Variants in ABRAXAS2 observed in about 807,000 individuals in gnomAD.
ABRAXAS2 encodes abraxas 2, BRISC complex subunit, also known as BRISC complex subunit Abraxas 2.
ABRAXAS2 carries 23 observed loss-of-function variants against 49.0 expected under a neutral mutation model. That is an observed-to-expected ratio of 0.47 (90% CI 0.34 to 0.66). The LOEUF (loss-of-function observed/expected upper bound fraction) is 0.66. Ranked by LOEUF, ABRAXAS2 falls within the 30% of genes least tolerant of loss-of-function variation. The pLI, the probability that ABRAXAS2 is intolerant of heterozygous loss-of-function variation, is 0.01. For missense variants in ABRAXAS2, 443 were observed against 511.9 expected (o/e 0.87, Z 1.30); for synonymous variants, 168 against 180.2 (o/e 0.93, Z 0.54).
intron 1 of ABRAXAS2, among the ~76,000 whole-genome samples, chr10:124,805,006 G>A (rs1383834464): frequency 6.6e-6 from 1 of 151,936 alleles, no homozygotes; most frequent in Non-Finnish European, 1.5e-5. Flanking sequence ...GAGCCACCGT[G>A]CCCGGCCTAT....
chr10:124,803,866 A>C (rs1338226022), intron 1 of ABRAXAS2, among the ~76,000 whole-genome samples: 1 of 152,146 alleles, frequency 6.6e-6, no homozygotes, highest in East Asian at 1.9e-4. Flanking sequence ...GCGCCATTGC[A>C]CTCCAGCCTG....
rs776342762 is a variant in ABRAXAS2, at chr10:124,828,889, T to G, written c.578+14T>G. ...TAAAGAACATGGGTAAGTTGAAAGG[T>G]AAAGTGCTAGTTTTTTCTTTTGTCA... On this transcript the variant is annotated intron_variant, in intron 6 of 8. Transcript: ENST00000298492. The G allele has an allele frequency of 6.2e-7, 1 of 1,610,428 alleles. No individual in the cohort carries two copies.
At chr10:124,821,519 TTG>T (rs1950861407) in intron 4 of ABRAXAS2, among the ~76,000 whole-genome samples, 1 of 151,168 alleles carries the variant, frequency 6.6e-6, no homozygotes, top group Non-Finnish European at 1.5e-5. Flanking sequence ...TGAGCTGAGA[TTG>T]CGCCACTGCA....
chr10:124,803,858 G>A (rs12572692), intron 1 of ABRAXAS2, among the ~76,000 whole-genome samples: 3 of 152,146 alleles, frequency 2.0e-5, no homozygotes, highest in East Asian at 1.9e-4. Context: ...TCGAGATCGC[G>A]CCATTGCACT....
intron 4 of ABRAXAS2, among the ~76,000 whole-genome samples, chr10:124,824,035 A>G (rs1397126359): frequency 6.6e-6 from 1 of 151,984 alleles, no homozygotes; most frequent in Non-Finnish European, 1.5e-5. Context: ...CCCCTGCCTC[A>G]GCCTCCTGGG....
intron 3 of ABRAXAS2, among the ~76,000 whole-genome samples, chr10:124,817,119 T>C (rs1205008659): frequency 8.5e-5 from 13 of 152,188 alleles, no homozygotes; most frequent in Admixed American, 8.5e-4. Context: ...GTTTCACTTA[T>C]GAATGAGGCA....
At chr10:124,806,124 C>A (rs1215188521) in intron 1 of ABRAXAS2, among the ~76,000 whole-genome samples, 1 of 151,906 alleles carries the variant, frequency 6.6e-6, no homozygotes, top group South Asian at 2.1e-4. Context: ...CACGGTGAAA[C>A]CCCGTCTCTA....
In ABRAXAS2 at chr10:124,836,376, T is replaced by C. The variant is rs971365351; in HGVS notation, c.*1405T>C. ...TGCCGTTCTTTGGATCGCCACTCTATGGGGGTCTGTCTTTTAACTACTCTC... is the reference window on the plus strand; with the variant it reads ...TGCCGTTCTTTGGATCGCCACTCTACGGGGGTCTGTCTTTTAACTACTCTC... On this transcript the variant is annotated 3_prime_UTR_variant, in exon 9 of 9. Coordinates refer to ENST00000298492, the MANE Select transcript of ABRAXAS2 (RefSeq NM_032182.4). 12 of 152,186 alleles carry C rather than the reference T, an allele frequency of 7.9e-5. No homozygotes were observed. Among genetic ancestry groups the C allele is most frequent in the African/African-American group, 2.9e-4 (12 of 41,446 alleles). The allele number at this position is 152,186 out of a possible 1,614,324, so 9.4% of individuals were successfully genotyped here.
intron 7 of ABRAXAS2, 152 bp from the exon 8 acceptor site, chr10:124,831,197 T>G (rs1168378844): frequency 3.3e-6 from 2 of 611,884 alleles, no homozygotes; most frequent in Non-Finnish European, 5.8e-6. Context: ...ATTCTAGTCT[T>G]TTGGGCTTTC....
At chr10:124,819,574 C>T (rs1012522238) in intron 4 of ABRAXAS2, 124 bp downstream of exon 4, 66 of 878,438 alleles carry the variant, frequency 7.5e-5, no homozygotes, top group Non-Finnish European at 9.4e-5. Flanking sequence ...GTTTTGTTAA[C>T]CTACATAGAT....
rs1589813243 is a variant in ABRAXAS2 at position 124,835,682 on chromosome 10, T to A, written c.*711T>A. The A allele has an allele frequency of 2.0e-5, 3 of 152,356 alleles. No individual in the cohort carries two copies. In the East Asian group the frequency reaches 5.8e-4, roughly 29 times the overall value. The allele number at this position is 152,356 out of a possible 1,614,324, so 9.4% of individuals were successfully genotyped here. ...ATTAATTATTTTTTCTTTGATGGATTACAGTGACTACTGTGTTGCACTGGC... is the reference window on the plus strand; with the variant it reads ...ATTAATTATTTTTTCTTTGATGGATAACAGTGACTACTGTGTTGCACTGGC... On this transcript the variant is annotated 3_prime_UTR_variant, in exon 9 of 9. Transcript: ENST00000298492.
At chr10:124,825,111 C>CA (rs1231543202) in intron 4 of ABRAXAS2, among the ~76,000 whole-genome samples, 1 of 151,948 alleles carries the variant, frequency 6.6e-6, no homozygotes, top group African/African-American at 2.4e-5. Context: ...CACTTGAGGT[C>CA]AGGAGTTCAA....
At chr10:124,816,747 G>A (rs1006736980) in intron 3 of ABRAXAS2, 135 bp downstream of exon 3, 3 of 653,052 alleles carry the variant, frequency 4.6e-6, no homozygotes, top group Non-Finnish European at 5.5e-6. Flanking sequence ...TGAGTGCTTT[G>A]TACACGGCAC....
chr10:124,817,750 G>A (rs1390871325), intron 3 of ABRAXAS2, among the ~76,000 whole-genome samples: 1 of 151,976 alleles, frequency 6.6e-6, no homozygotes, highest in Non-Finnish European at 1.5e-5. Flanking sequence ...ATTCACCCTC[G>A]AACATCCACC....
At chr10:124,804,977 G>A (rs1473242941) in intron 1 of ABRAXAS2, among the ~76,000 whole-genome samples, 1 of 151,916 alleles carries the variant, frequency 6.6e-6, no homozygotes, top group East Asian at 1.9e-4. Context: ...GCCTCCCAAA[G>A]TGCTGGGATT....
At chr10:124,815,675 G>T (rs1950819816) in intron 2 of ABRAXAS2, among the ~76,000 whole-genome samples, 1 of 152,138 alleles carries the variant, frequency 6.6e-6, no homozygotes, top group Non-Finnish European at 1.5e-5. Context: ...CAAAGAAATT[G>T]TTCGCTCTGC....
chr10:124,803,035 C>G (rs926827775), intron 1 of ABRAXAS2, among the ~76,000 whole-genome samples: 1 of 152,108 alleles, frequency 6.6e-6, no homozygotes, highest in Non-Finnish European at 1.5e-5. Flanking sequence ...AGACTATGGC[C>G]TAGGGTACTA....
intron 2 of ABRAXAS2, among the ~76,000 whole-genome samples, chr10:124,809,574 C>G (rs775437333): frequency 8.6e-5 from 13 of 152,006 alleles, no homozygotes; most frequent in Non-Finnish European, 1.3e-4. Context: ...GTGTGAGCCA[C>G]CACGCCTGGC....
intron 2 of ABRAXAS2, among the ~76,000 whole-genome samples, chr10:124,807,185 C>T (rs556959976): frequency 1.5e-4 from 23 of 151,104 alleles, no homozygotes; most frequent in Admixed American, 4.0e-4. Context: ...TGGTGGCGGA[C>T]GCCTGTAGTC....
Sources: allele counts gnomAD v4.1 joint callset (sites outside exome capture counted in the v4.1 genomes callset), GRCh38; gene constraint gnomAD v4.1.1; transcripts MANE v1.5; gene names NCBI Gene and HGNC (gene_info 2026-07-23, HGNC 2026-07-21).